Variants in TBL1X observed in about 807,000 individuals in gnomAD.
TBL1X encodes the protein F-box-like/WD repeat-containing protein TBL1X.
In TBL1X, 10 loss-of-function variants were observed where a neutral mutation model predicts 50.7. The ratio of observed to expected loss-of-function variants is 0.20; its 90% CI spans 0.12 to 0.33. TBL1X has a LOEUF of 0.33. Ranked by LOEUF, TBL1X falls within the 10% of genes least tolerant of loss-of-function variation. The probability of loss-of-function intolerance (pLI) is 1.00; values close to 1 mark genes in which losing one functional copy is unlikely to be tolerated. For missense variants in TBL1X, 340 were observed against 504.4 expected, an observed-to-expected ratio of 0.67 and a Z score of 3.12; for synonymous variants, 190 against 214.7, an observed-to-expected ratio of 0.88 and a Z score of 1.01.
At chrX:9,599,134 G>A (rs1457297160) in intron 2 of TBL1X, among the ~76,000 whole-genome samples, 1 of 109,611 alleles carries the variant, frequency 9.1e-6, no homozygotes, top group African/African-American at 3.3e-5. Flanking sequence ...AGTAGAGACG[G>A]GGTTTCACCG....
At chrX:9,709,514 C>G (rs2083231398) in intron 14 of TBL1X, 119 bp from the exon 15 acceptor site, 1 of 1,071,498 alleles carries the variant, frequency 9.3e-7, no homozygotes, top group Admixed American at 2.6e-5. Flanking sequence ...GCCTTTCTCA[C>G]CACTGTGCAC....
intron 13 of TBL1X, among the ~76,000 whole-genome samples, chrX:9,707,279 G>C (rs1197195606): frequency 1.8e-5 from 2 of 111,571 alleles, no homozygotes; most frequent in Admixed American, 1.9e-4. Flanking sequence ...GGCGCTTTTA[G>C]AGCACAGGCA....
intron 2 of TBL1X, among the ~76,000 whole-genome samples, chrX:9,562,634 G>C (rs1328389747): frequency 9.0e-6 from 1 of 111,533 alleles, no homozygotes; most frequent in Non-Finnish European, 1.9e-5. Flanking sequence ...TCAATGACTT[G>C]CCTGAAGAGT....
chrX:9,654,183 G>A, intron 4 of TBL1X, 32 bp from the exon 5 acceptor site: 2 of 1,151,057 alleles, frequency 1.7e-6, no homozygotes, highest in South Asian at 1.9e-5. Flanking sequence ...AATACAAGCA[G>A]TGTTTCAAAA....
At chrX:9,500,552 C>T (rs1463868579) in intron 1 of TBL1X, among the ~76,000 whole-genome samples, 3 of 111,881 alleles carry the variant, frequency 2.7e-5, no homozygotes, top group South Asian at 3.7e-4. Flanking sequence ...GCCGAGACTG[C>T]GCCATTGCAC....
intron 1 of TBL1X, among the ~76,000 whole-genome samples, chrX:9,481,213 G>A (rs755248140): frequency 8.9e-6 from 1 of 112,327 alleles, no homozygotes; most frequent in South Asian, 3.7e-4. Context: ...AAGAGCTAAT[G>A]TATTCATGGA....
intron 2 of TBL1X, among the ~76,000 whole-genome samples, chrX:9,525,367 A>T (rs1285381647): frequency 1.8e-5 from 2 of 111,710 alleles, no homozygotes; most frequent in Non-Finnish European, 3.8e-5. Context: ...TTTTATTTTT[A>T]TTTTTTGAGC....
chrX:9,692,699 C>T (rs1392920467), intron 9 of TBL1X, among the ~76,000 whole-genome samples: 1 of 112,923 alleles, frequency 8.9e-6, no homozygotes, highest in East Asian at 2.8e-4. Context: ...TGAGCCACTG[C>T]CCCCGGCCAG....
intron 1 of TBL1X, among the ~76,000 whole-genome samples, chrX:9,498,854 C>A (rs2081986143): frequency 8.9e-6 from 1 of 112,264 alleles, no homozygotes. Flanking sequence ...GAGCCCAAGG[C>A]AGTTGGGACA....
chrX:9,620,867 G>A (rs1601798908), intron 2 of TBL1X, among the ~76,000 whole-genome samples: 1 of 112,089 alleles, frequency 8.9e-6, no homozygotes, highest in East Asian at 2.8e-4. Flanking sequence ...GACTCCCACT[G>A]GGTCCCAGGC....
intron 1 of TBL1X, among the ~76,000 whole-genome samples, chrX:9,479,229 C>A (rs1191633735): frequency 8.9e-6 from 1 of 112,549 alleles, no homozygotes; most frequent in Admixed American, 9.4e-5. Flanking sequence ...GAGGCCAGGG[C>A]GAGGTCAGGA....
chrX:9,655,275 G>C (rs192769862), intron 5 of TBL1X, among the ~76,000 whole-genome samples: 1 of 110,757 alleles, frequency 9.0e-6, no homozygotes, highest in Non-Finnish European at 1.9e-5. Context: ...TAGGCGGGTC[G>C]GTTCCTTCTG....
At chrX:9,486,534 G>A (rs1282366394) in intron 1 of TBL1X, among the ~76,000 whole-genome samples, 3 of 110,567 alleles carry the variant, frequency 2.7e-5, no homozygotes, top group Middle Eastern at 9.3e-3. Context: ...AGGCCTTGCC[G>A]ATAATAACTC....
chrX:9,563,332 G>A (rs891495444), intron 2 of TBL1X, among the ~76,000 whole-genome samples: 1 of 113,003 alleles, frequency 8.8e-6, no homozygotes, highest in Non-Finnish European at 1.9e-5. Flanking sequence ...CCATGTTTAT[G>A]CACAAAGGGA....
intron 6 of TBL1X, among the ~76,000 whole-genome samples, chrX:9,687,465 G>A (rs1196602446): frequency 9.0e-6 from 1 of 111,166 alleles, no homozygotes; most frequent in African/African-American, 3.3e-5. Context: ...GCACAGTCGC[G>A]ATAGCACGTG....
chrX:9,492,889 GT>G (rs1569206184), intron 1 of TBL1X, among the ~76,000 whole-genome samples: 2,304 of 28,349 alleles, frequency 0.081, 160 homozygotes, highest in Non-Finnish European at 0.13. Flanking sequence ...GTGTGTGTGT[GT>G]GTGTGTGTAG....
chrX:9,502,777 C>A (rs886129053), intron 2 of TBL1X, among the ~76,000 whole-genome samples: 5 of 112,595 alleles, frequency 4.4e-5, no homozygotes, highest in African/African-American at 1.6e-4. Flanking sequence ...CTTCCACTTT[C>A]TGCTATGTGA....
chrX:9,555,882 G>C (rs959926172), intron 2 of TBL1X, among the ~76,000 whole-genome samples: 3 of 111,476 alleles, frequency 2.7e-5, no homozygotes, highest in Admixed American at 9.6e-5. Flanking sequence ...GGTTGGAGTG[G>C]ATGGGAGAAT....
intron 2 of TBL1X, among the ~76,000 whole-genome samples, chrX:9,505,690 A>G (rs1482033105): frequency 8.9e-6 from 1 of 112,221 alleles, no homozygotes; most frequent in Non-Finnish European, 1.9e-5. Context: ...AGCAAAAATA[A>G]AAACAGACAA....
Sources: gnomAD v4.1 joint callset for allele counts (sites outside exome capture counted in the v4.1 genomes callset) on GRCh38, gnomAD v4.1.1 for gene constraint, MANE v1.5 for transcripts, NCBI Gene and HGNC (gene_info 2026-07-23, HGNC 2026-07-21) for gene names.